Variants in WDR20 observed in about 807,000 individuals in gnomAD.
The protein encoded by WDR20 is WD repeat-containing protein 20.
In WDR20, 3 loss-of-function variants were observed where a neutral mutation model predicts 38.7. That is an observed-to-expected ratio of 0.08 (90% CI 0.04 to 0.20). The LOEUF is 0.20. Among genes scored for constraint, WDR20 ranks in the 10% least tolerant of loss-of-function variants. The pLI is 1.00. For synonymous variants in WDR20, 298 were observed against 285.6 expected (o/e 1.04, Z -0.44); for missense variants, 559 against 727.7 (o/e 0.77, Z 2.67).
At chr14:102,139,771 C>T (rs187774268), upstream of WDR20, 148 of 1,190,536 alleles carry the variant, frequency 1.2e-4, 1 homozygote, top group East Asian at 3.6e-3. Context: ...AAGCCCACCC[C>T]TTCCCTTTGG....
intron 1 of WDR20, among the ~76,000 whole-genome samples, chr14:102,140,480 G>A (rs545146682): frequency 2.0e-5 from 3 of 152,286 alleles, no homozygotes; most frequent in Admixed American, 2.0e-4. Flanking sequence ...ACATGGCCAG[G>A]GAGCGGGCCT....
At chr14:102,147,325 G>T (rs1304003788) in intron 1 of WDR20, among the ~76,000 whole-genome samples, 1 of 152,206 alleles carries the variant, frequency 6.6e-6, no homozygotes, top group Non-Finnish European at 1.5e-5. Flanking sequence ...GGAGGTGGAG[G>T]TTGCAGTGAG....
chr14:102,224,510 G>C (rs2064165106), downstream of WDR20: 5 of 448,810 alleles, frequency 1.1e-5, no homozygotes, highest in Non-Finnish European at 2.2e-5. Flanking sequence ...TCCTTCGAAA[G>C]CTTTATTTTG....
chr14:102,191,558 C>G (rs1254100374), intron 1 of WDR20, among the ~76,000 whole-genome samples: 3 of 152,190 alleles, frequency 2.0e-5, no homozygotes, highest in African/African-American at 2.4e-5. Flanking sequence ...TGGCCTTTCT[C>G]TATCTGGGGT....
intron 2 of WDR20, among the ~76,000 whole-genome samples, chr14:102,198,824 T>C (rs1423634535): frequency 6.6e-6 from 1 of 152,088 alleles, no homozygotes; most frequent in Non-Finnish European, 1.5e-5. Context: ...TCTTGCTGTG[T>C]TGGGTGAGAC....
chr14:102,152,416 C>T (rs1057438279), intron 1 of WDR20, among the ~76,000 whole-genome samples: 15 of 78,352 alleles, frequency 1.9e-4, no homozygotes, highest in Non-Finnish European at 3.7e-5. Flanking sequence ...TATGCAGGGT[C>T]TCTCTTTTTT....
chr14:102,151,242 A>C (rs909306013), intron 1 of WDR20, among the ~76,000 whole-genome samples: 2 of 135,356 alleles, frequency 1.5e-5, no homozygotes, highest in African/African-American at 5.9e-5. Context: ...ATGAAGGGCT[A>C]CAGTAGAGCC....
intron 1 of WDR20, among the ~76,000 whole-genome samples, chr14:102,146,962 A>G (rs977193907): frequency 6.6e-6 from 1 of 152,160 alleles, no homozygotes; most frequent in Non-Finnish European, 1.5e-5. Context: ...ATTAAGGGCT[A>G]TTTGCTGACT....
chr14:102,158,004 C>G (rs144639707), intron 1 of WDR20, among the ~76,000 whole-genome samples: 9 of 152,088 alleles, frequency 5.9e-5, no homozygotes, highest in Non-Finnish European at 5.9e-5. Flanking sequence ...GGGGTGCTAT[C>G]GCTTCCCTTC....
chr14:102,165,236 A>C (rs1016876065), intron 1 of WDR20, among the ~76,000 whole-genome samples: 7 of 152,064 alleles, frequency 4.6e-5, no homozygotes, highest in African/African-American at 1.7e-4. Flanking sequence ...GCTCCTGTGC[A>C]CTGTCATTTT....
chr14:102,169,669 A>G (rs1426120126), intron 1 of WDR20, among the ~76,000 whole-genome samples: 1 of 151,966 alleles, frequency 6.6e-6, no homozygotes, highest in Non-Finnish European at 1.5e-5. Context: ...CTGGGATTAC[A>G]GGCGCCTGCC....
At position 102,161,214 on chromosome 14, in the gene WDR20, A is replaced by G. The variant is rs557936047; in HGVS notation, c.249+21042A>G. Reference sequence around the variant, plus strand: ...CGCCCAGGCTAGAGTGCCGTGGCACAATCTTGGCTCACTGCAACCTCCGCC... The same window carrying G: ...CGCCCAGGCTAGAGTGCCGTGGCACGATCTTGGCTCACTGCAACCTCCGCC... On this transcript the variant is annotated intron_variant, in intron 1 of 2. Coordinates refer to ENST00000342702, the MANE Select transcript of WDR20 (RefSeq NM_144574.4). Among the ~76,000 whole-genome samples, 385 of 131,618 alleles carry G rather than the reference A, an allele frequency of 2.9e-3. 5 individuals are homozygous for G. The highest frequency in any genetic ancestry group is 0.011 in the African/African-American group (365 of 33,922). The allele number at this position is 131,618 out of a possible 152,430, so 86.3% of individuals were successfully genotyped here.
chr14:102,178,352 A>G (rs540785958), intron 1 of WDR20, among the ~76,000 whole-genome samples: 241 of 151,524 alleles, frequency 1.6e-3, no homozygotes, highest in African/African-American at 5.6e-3. Context: ...AGATCGTGCC[A>G]TTGCACTCCA....
chr14:102,154,680 G>A (rs553176723), intron 1 of WDR20, among the ~76,000 whole-genome samples: 1 of 152,172 alleles, frequency 6.6e-6, no homozygotes, highest in South Asian at 2.1e-4. Context: ...CCCCTGTTCG[G>A]TACCTAGAAC....
At chr14:102,186,280 C>T (rs1374867881) in intron 1 of WDR20, among the ~76,000 whole-genome samples, 4 of 152,062 alleles carry the variant, frequency 2.6e-5, no homozygotes, top group Non-Finnish European at 4.4e-5. Flanking sequence ...TCAAGGGCAG[C>T]GGTGGGACTG....
intron 1 of WDR20, among the ~76,000 whole-genome samples, chr14:102,162,793 G>C (rs928037286): frequency 6.6e-6 from 1 of 151,942 alleles, no homozygotes; most frequent in Non-Finnish European, 1.5e-5. Flanking sequence ...GTGTTTTTTT[G>C]TAGAGACAGG....
chr14:102,172,222 G>T lies in WDR20; in HGVS notation c.250-22716G>T, dbSNP rs1014985839. 2.6e-4 allele frequency among the ~76,000 whole-genome samples: 37 copies of T among 143,582 alleles called. 1 individual carries two copies. Among genetic ancestry groups the T allele is most frequent in the African/African-American group, 6.6e-4 (27 of 40,908 alleles). 94.2% of individuals were successfully genotyped at this position (143,582 alleles called of 152,430 possible). ...ATGTTTCAGAGAGCACAGGGTTGGG[G>T]GGTAAGGTCACAGATCAACAGGATC... is the stretch of plus-strand genomic sequence containing the variant. On this transcript the variant is annotated intron_variant, in intron 1 of 2. Coordinates refer to ENST00000342702, the MANE Select transcript of WDR20 (RefSeq NM_144574.4).
chr14:102,210,644 T>C (rs1046711285), downstream of WDR20: 1 of 582,648 alleles, frequency 1.7e-6, no homozygotes, highest in Non-Finnish European at 2.2e-6. Context: ...CAGAAGTGCC[T>C]CTTGCCACAT....
intron 1 of WDR20, among the ~76,000 whole-genome samples, chr14:102,177,410 C>T (rs1259371592): frequency 6.6e-6 from 1 of 152,126 alleles, no homozygotes; most frequent in Non-Finnish European, 1.5e-5. Context: ...GTCCAATGTG[C>T]CAGAAGCCTG....
Sources: gnomAD v4.1 joint callset for allele counts (sites outside exome capture counted in the v4.1 genomes callset) on GRCh38, gnomAD v4.1.1 for gene constraint, MANE v1.5 for transcripts, NCBI Gene and HGNC (gene_info 2026-07-23, HGNC 2026-07-21) for gene names.